The following RBFOX1 variants were observed in gnomAD, a reference collection of about 807,000 sequenced individuals.
RBFOX1 encodes RNA binding protein fox-1 homolog 1.
A neutral mutation model predicts 57.7 loss-of-function variants in RBFOX1; 8 were observed. That is an observed-to-expected ratio of 0.14 (90% CI 0.08 to 0.25). The LOEUF (loss-of-function observed/expected upper bound fraction) is 0.25, where lower values mean the gene tolerates loss of function less well. RBFOX1 is among the 10% of genes least tolerant of loss of function. The pLI, the probability that RBFOX1 is intolerant of heterozygous loss-of-function variation, is 1.00. For synonymous variants in RBFOX1, 326 were observed against 222.4 expected (o/e 1.47, Z -4.15); for missense variants, 611 against 548.5 (o/e 1.11, Z -1.14).
intron 3 of RBFOX1, among the ~76,000 whole-genome samples, chr16:6,721,064 A>T (rs1196905316): frequency 6.6e-6 from 1 of 152,180 alleles, no homozygotes; most frequent in Non-Finnish European, 1.5e-5. Context: ...TAAACAGTAG[A>T]ATATTGCCTC....
chr16:5,672,004 C>G (rs550845557), intron 3 of RBFOX1, among the ~76,000 whole-genome samples: 5 of 152,140 alleles, frequency 3.3e-5, no homozygotes, highest in African/African-American at 9.6e-5. Flanking sequence ...TTCAGGTAAC[C>G]CAGTTAAATG....
chr16:6,795,932 C>G (rs546437723), intron 3 of RBFOX1, among the ~76,000 whole-genome samples: 2 of 151,884 alleles, frequency 1.3e-5, no homozygotes, highest in African/African-American at 4.8e-5. Context: ...TCAGTGAATC[C>G]AAACATTGAG....
chr16:6,251,933 G>T (rs1475022032), intron 1 of RBFOX1, among the ~76,000 whole-genome samples: 1 of 152,008 alleles, frequency 6.6e-6, no homozygotes, highest in South Asian at 2.1e-4. Flanking sequence ...TCTGTCTCCT[G>T]GTTCCGAACT....
chr16:6,947,091 A>G (rs1418414760), intron 3 of RBFOX1, among the ~76,000 whole-genome samples: 1 of 152,190 alleles, frequency 6.6e-6, no homozygotes, highest in Non-Finnish European at 1.5e-5. Context: ...GAGAATAGTT[A>G]AGAGGATTTA....
chr16:7,009,725 C>T (rs1187955160), intron 3 of RBFOX1, among the ~76,000 whole-genome samples: 2 of 152,160 alleles, frequency 1.3e-5, no homozygotes, highest in Non-Finnish European at 2.9e-5. Flanking sequence ...CCTAATCAGC[C>T]TGATACCACA....
chr16:7,056,848 C>G (rs765611592), intron 4 of RBFOX1, among the ~76,000 whole-genome samples: 1 of 152,114 alleles, frequency 6.6e-6, no homozygotes, highest in African/African-American at 2.4e-5. Context: ...GGCAATGTGA[C>G]TCTATAGTCA....
At chr16:6,631,089 G>C (rs796610370) in intron 2 of RBFOX1, among the ~76,000 whole-genome samples, 2 of 152,178 alleles carry the variant, frequency 1.3e-5, no homozygotes, top group South Asian at 4.2e-4. Context: ...TTTGGAGGGG[G>C]GTTGGTGCAG....
At chr16:7,280,906 T>C (rs1203155749) in intron 4 of RBFOX1, among the ~76,000 whole-genome samples, 2 of 151,356 alleles carry the variant, frequency 1.3e-5, no homozygotes, top group Non-Finnish European at 2.9e-5. Context: ...GGGTACATAA[T>C]GGCAGCTACT....
intron 4 of RBFOX1, among the ~76,000 whole-genome samples, chr16:7,105,475 T>G (rs1485947597): frequency 6.6e-6 from 1 of 152,134 alleles, no homozygotes; most frequent in Non-Finnish European, 1.5e-5. Flanking sequence ...TATCCCTTAC[T>G]GCACTTCCAC....
Position 5,681,487 on chromosome 16 carries a change from C to G in RBFOX1, c.318+82526C>G, listed in dbSNP as rs536429542. On this transcript the variant is annotated intron_variant, in intron 3 of 19. Transcript: ENST00000641259. Reference sequence around the variant, plus strand: ...CACTGCAACCTCCCCATCCCCGGTTCAAGTGATTCTCCTGCCTCAGCCTCT... The same window carrying G: ...CACTGCAACCTCCCCATCCCCGGTTGAAGTGATTCTCCTGCCTCAGCCTCT... Among the ~76,000 whole-genome samples, 20 of 151,004 alleles carry G rather than the reference C, an allele frequency of 1.3e-4. No individual in the cohort carries two copies. In the East Asian group the frequency reaches 3.9e-3, roughly 30 times the overall value.
intron 6 of RBFOX1, among the ~76,000 whole-genome samples, chr16:7,580,700 A>G (rs575494300): frequency 1.3e-5 from 2 of 152,288 alleles, no homozygotes; most frequent in African/African-American, 4.8e-5. Flanking sequence ...AGATATCTTC[A>G]CTATCCACTT....
intron 3 of RBFOX1, among the ~76,000 whole-genome samples, chr16:6,846,528 CAG>C (rs1176567804): frequency 6.6e-6 from 1 of 152,092 alleles, no homozygotes. Flanking sequence ...ACATACCAGA[CAG>C]GGGAGGAATC....
At position 5,843,895 on chromosome 16, in the gene RBFOX1, C is replaced by A. The variant is rs551114161; in HGVS notation, c.319-23408C>A. Among the ~76,000 whole-genome samples the A allele has an allele frequency of 3.3e-5, 5 of 152,328 alleles. No homozygotes were observed. In the East Asian group the frequency reaches 9.6e-4, roughly 29 times the overall value. On this transcript the variant is annotated intron_variant, in intron 3 of 19. Transcript: ENST00000641259. ...ATGCAGCAAGCTCCAACAAGCGCAC[C>A]TGAGTTGGGTTCTGGAGGTTGAATT...
intron 2 of RBFOX1, among the ~76,000 whole-genome samples, chr16:6,439,193 A>G (rs938800409): frequency 6.6e-6 from 1 of 152,192 alleles, no homozygotes; most frequent in Non-Finnish European, 1.5e-5. Context: ...AGTTGCATAC[A>G]GGCAGTGATG....
chr16:6,681,575 T>C (rs1022539352), intron 3 of RBFOX1, among the ~76,000 whole-genome samples: 2 of 152,052 alleles, frequency 1.3e-5, no homozygotes, highest in Non-Finnish European at 2.9e-5. Flanking sequence ...AGTAACAATT[T>C]GTTGTTAATT....
chr16:6,404,073 C>G (rs1014252348), intron 2 of RBFOX1, among the ~76,000 whole-genome samples: 2 of 152,168 alleles, frequency 1.3e-5, no homozygotes, highest in Admixed American at 1.3e-4. Flanking sequence ...ATACAGCTGG[C>G]TCTCCATGTC....
At chr16:7,377,922 G>A (rs896664801) in intron 4 of RBFOX1, among the ~76,000 whole-genome samples, 1 of 152,168 alleles carries the variant, frequency 6.6e-6, no homozygotes, top group Admixed American at 6.5e-5. Context: ...GAAGTTTTAA[G>A]GAGGTGATGT....
intron 2 of RBFOX1, among the ~76,000 whole-genome samples, chr16:6,620,557 C>T (rs2098214265): frequency 6.6e-6 from 1 of 151,896 alleles, no homozygotes. Context: ...AATCCGGGAG[C>T]TATTTTTTTT....
At chr16:6,144,434 A>G (rs1278771199) in intron 1 of RBFOX1, among the ~76,000 whole-genome samples, 1 of 152,240 alleles carries the variant, frequency 6.6e-6, no homozygotes, top group East Asian at 1.9e-4. Context: ...TATTAAAAGC[A>G]TAATGAAAAC....
Sources: allele counts gnomAD v4.1 joint callset (sites outside exome capture counted in the v4.1 genomes callset), GRCh38; gene constraint gnomAD v4.1.1; transcripts MANE v1.5; gene names NCBI Gene and HGNC (gene_info 2026-07-23, HGNC 2026-07-21).